Variants in RNF216 observed in about 807,000 individuals in gnomAD.
RNF216 encodes the protein E3 ubiquitin-protein ligase RNF216.
Under a neutral mutation model 110.8 loss-of-function variants are expected in RNF216, and 72 were observed. That is an observed-to-expected ratio of 0.65 (90% confidence interval 0.54 to 0.79). The LOEUF is 0.79. Ranked by LOEUF, RNF216 falls within the 30% of genes least tolerant of loss-of-function variation. RNF216 has a pLI of 0.00. For synonymous variants in RNF216, 495 were observed against 407.5 expected, an observed-to-expected ratio of 1.21 and a Z score of -2.59; for missense variants, 1,342 against 1,141.2, an observed-to-expected ratio of 1.18 and a Z score of -2.54.
rs930643040 is a variant in RNF216, at chr7:5,741,241, T to G, written c.776A>C (p.Glu259Ala). ...VVPQERQPEA[E>A]LGRLLFQHEF... is the part of the protein sequence containing the mutation. ...ATGCTGAAACAACAAGCGGCCCAGT[T>G]CTGCTTCAGGCTGCCGTTCCTGAGG... Residue 259 changes from glutamate (E) to alanine (A), a missense_variant, in exon 4 of 17, where the codon GAA (glutamate) becomes GCA (alanine). Transcript: ENST00000389902. 4 of 1,614,160 alleles carry G rather than the reference T, an allele frequency of 2.5e-6. No homozygotes were observed.
Position 5,680,399 on chromosome 7 carries a change from C to T in RNF216, c.2062-27889G>A, listed in dbSNP as rs1418754008. On this transcript the variant is annotated intron_variant, in intron 13 of 16. Coordinates refer to ENST00000389902, the MANE Select transcript of RNF216 (RefSeq NM_207111.4). This position sits in a 1 kb window ranked among gnomAD's most constrained non-coding sequence, Gnocchi z 4.3. Reference sequence around the variant, plus strand: ...GCTTGTCAGCTCACTGGTTACTCAACACTTCTTTTTTTGTTGTTGTTGAGA... The same window carrying T: ...GCTTGTCAGCTCACTGGTTACTCAATACTTCTTTTTTTGTTGTTGTTGAGA... 1 of 152,160 alleles carries T rather than the reference C, an allele frequency of 6.6e-6. No individual in the cohort carries two copies. Among genetic ancestry groups the T allele is most frequent in the African/African-American group, 2.4e-5 (1 of 41,418 alleles). The allele number at this position is 152,160 out of a possible 1,614,324, so 9.4% of individuals were successfully genotyped here.
At chr7:5,748,192 T>A (rs1562457992) in intron 3 of RNF216, among the ~76,000 whole-genome samples, 1 of 152,164 alleles carries the variant, frequency 6.6e-6, no homozygotes, top group Non-Finnish European at 1.5e-5. Flanking sequence ...AACTACTACA[T>A]ATAGATCTTA....
At chr7:5,718,201 C>T (rs1430874848) in intron 9 of RNF216, among the ~76,000 whole-genome samples, 3 of 151,808 alleles carry the variant, frequency 2.0e-5, no homozygotes, top group Non-Finnish European at 2.9e-5. Flanking sequence ...GTCAACATGG[C>T]GAAACCCTGT....
chr7:5,742,024 A>C (rs1794786545), intron 3 of RNF216, among the ~76,000 whole-genome samples: 1 of 152,168 alleles, frequency 6.6e-6, no homozygotes, highest in Admixed American at 6.5e-5. Context: ...CATAGATTAA[A>C]GCTTGAGATA....
At position 5,737,011 on chromosome 7, in the gene RNF216, G is replaced by A. The variant is rs145643906; in HGVS notation, c.1121+2265C>T. ...AGCCCCTCTGCCCGGCCGCCACCCC[G>A]TCTGGGAGGTGTTCCCAACAGCTTA... On this transcript the variant is annotated intron_variant, in intron 5 of 16. Transcript: ENST00000389902. 7.9e-3 allele frequency among the ~76,000 whole-genome samples: 1,206 copies of A among 152,250 alleles called. 7 individuals carry two copies. The highest frequency in any genetic ancestry group is 0.014 in the African/African-American group (593 of 41,516).
intron 1 of RNF216, among the ~76,000 whole-genome samples, chr7:5,763,732 G>A (rs558481290): frequency 1.4e-4 from 21 of 152,176 alleles, no homozygotes; most frequent in African/African-American, 2.6e-4. Context: ...ACCATGCCTA[G>A]CTGAATTTTT....
At chr7:5,627,563 C>T (rs541114007) in intron 15 of RNF216, among the ~76,000 whole-genome samples, 2 of 152,170 alleles carry the variant, frequency 1.3e-5, no homozygotes, top group East Asian at 1.9e-4. Flanking sequence ...CTGGCTAACA[C>T]GGTGAAACCC....
intron 14 of RNF216, among the ~76,000 whole-genome samples, chr7:5,644,112 TTTTG>T (rs1787907170): frequency 2.0e-5 from 3 of 152,220 alleles, no homozygotes; most frequent in Non-Finnish European, 2.9e-5. Context: ...TTTTTTTGCT[TTTTG>T]GCTGGTGTGA....
At chr7:5,778,596 T>G (rs1562487546) in intron 1 of RNF216, among the ~76,000 whole-genome samples, 4 of 152,192 alleles carry the variant, frequency 2.6e-5, no homozygotes, top group Admixed American at 2.6e-4. Flanking sequence ...TCTTCAATAG[T>G]AGATGTACTT....
intron 1 of RNF216, among the ~76,000 whole-genome samples, chr7:5,781,049 G>A (rs925148823): frequency 5.9e-5 from 9 of 152,176 alleles, no homozygotes; most frequent in Admixed American, 2.0e-4. Context: ...CCGGGTGACA[G>A]TCGCCAACTT....
In RNF216 at chr7:5,730,891, T is replaced by C. The variant is rs140661661; in HGVS notation, c.1122-74A>G. The C allele has an allele frequency of 3.1e-3, 4,453 of 1,441,800 alleles. 88 individuals carry two copies. In the African/African-American group the frequency reaches 0.043, roughly 14 times the overall value. 89.3% of individuals were successfully genotyped at this position (1,441,800 alleles called of 1,614,324 possible). ...CTGCCCATTGCTTCAAATGCAATGGTTGAAGAATATAGTCCTTAGTCACAC... is the reference window on the plus strand; with the variant it reads ...CTGCCCATTGCTTCAAATGCAATGGCTGAAGAATATAGTCCTTAGTCACAC... On this transcript the variant is annotated intron_variant, in intron 5 of 16. Transcript: ENST00000389902.
chr7:5,634,573 T>C (rs1463954086), intron 15 of RNF216, among the ~76,000 whole-genome samples: 4 of 152,090 alleles, frequency 2.6e-5, no homozygotes, highest in African/African-American at 4.8e-5. Context: ...GGCAGGACAG[T>C]GTGCTGGGGA....
chr7:5,747,668 T>G (rs1416954593), intron 3 of RNF216, among the ~76,000 whole-genome samples: 3 of 125,348 alleles, frequency 2.4e-5, no homozygotes. Flanking sequence ...CAAGAATCAC[T>G]AAACCTGGGA....
At chr7:5,656,518 G>A (rs899258177) in intron 13 of RNF216, among the ~76,000 whole-genome samples, 4 of 152,090 alleles carry the variant, frequency 2.6e-5, no homozygotes, top group Non-Finnish European at 2.9e-5. Context: ...GGAGTTCACC[G>A]TCATCCCAAA....
Position 5,680,439 on chromosome 7 carries a change from G to A in RNF216, c.2062-27929C>T, listed in dbSNP as rs1325366938. The A allele has an allele frequency of 6.6e-6, 1 of 152,156 alleles. No individual in the cohort carries two copies. The highest frequency in any genetic ancestry group is 1.5e-5 in the Non-Finnish European group (1 of 68,068). 9.4% of individuals were successfully genotyped at this position (152,156 alleles called of 1,614,324 possible). A position where few individuals can be genotyped will look rare whatever the true frequency, so the allele number is the denominator to read the frequency against. ...TGTTGTTGAGACGGAGTCTTGCCCT[G>A]TCGCCAGCCTGGAGAGCAGTGGTGC... is the stretch of plus-strand genomic sequence containing the variant. On this transcript the variant is annotated intron_variant, in intron 13 of 16. Transcript: ENST00000389902. This position sits in a 1 kb window ranked among gnomAD's most constrained non-coding sequence, Gnocchi z 4.3.
intron 4 of RNF216, 57 bp downstream of exon 4, chr7:5,740,906 GAAAAAAAAAA>G (rs139686645): frequency 1.7e-6 from 2 of 1,147,474 alleles, no homozygotes; most frequent in African/African-American, 1.7e-5. Context: ...TTTTTGCAAT[GAAAAAAAAAA>G]AAGAAAAAAA....
intron 13 of RNF216, among the ~76,000 whole-genome samples, chr7:5,705,062 C>T (rs150332965): frequency 6.6e-5 from 10 of 152,276 alleles, no homozygotes; most frequent in Admixed American, 2.0e-4. Flanking sequence ...ATAATAATCT[C>T]CCTGATGGGC....
At chr7:5,739,226 A>G (rs1794613807) in intron 5 of RNF216, 50 bp downstream of exon 5, 3 of 1,479,480 alleles carry the variant, frequency 2.0e-6, no homozygotes, top group African/African-American at 1.4e-5. Context: ...TATTACATAT[A>G]TTTTACCACC....
chr7:5,634,523 G>A (rs1787277982), intron 15 of RNF216, among the ~76,000 whole-genome samples: 1 of 152,220 alleles, frequency 6.6e-6, no homozygotes. Flanking sequence ...AGAGCTTGGA[G>A]TGGCACATGC....
Sources: allele counts gnomAD v4.1 joint callset (sites outside exome capture counted in the v4.1 genomes callset), GRCh38; gene constraint gnomAD v4.1.1; non-coding constraint Gnocchi (gnomAD v3.1); transcripts MANE v1.5; gene names NCBI Gene and HGNC (gene_info 2026-07-23, HGNC 2026-07-21).